The following COX14 variants were observed in gnomAD, a reference collection of about 807,000 sequenced individuals.
COX14 encodes cytochrome c oxidase assembly protein COX14.
COX14 carries 3 observed loss-of-function variants against 5.8 expected under a neutral mutation model. That is an observed-to-expected ratio of 0.51 (90% CI 0.23 to 1.33). The LOEUF (loss-of-function observed/expected upper bound fraction) is 1.33. Among genes scored for constraint, COX14 ranks in the 40% most tolerant of loss-of-function variants. The pLI is 0.18. For synonymous variants in COX14, 25 were observed against 26.1 expected, an observed-to-expected ratio of 0.96 and a Z score of 0.13; for missense variants, 72 against 72.1, an observed-to-expected ratio of 1.00 and a Z score of 0.01.
intron 1 of COX14, among the ~76,000 whole-genome samples, chr12:50,117,270 C>A (rs1951088939): frequency 6.6e-6 from 1 of 152,094 alleles, no homozygotes; most frequent in South Asian, 2.1e-4. Context: ...CCTGACTCGG[C>A]CTCCCAAAGC....
intron 1 of COX14, among the ~76,000 whole-genome samples, chr12:50,115,034 G>T (rs1181342408): frequency 1.6e-4 from 24 of 149,214 alleles, no homozygotes; most frequent in Middle Eastern, 3.5e-3. Flanking sequence ...CCAAAGTGCT[G>T]GGATTACAGG....
intron 1 of COX14, among the ~76,000 whole-genome samples, chr12:50,115,124 C>G (rs911137608): frequency 1.3e-4 from 19 of 140,792 alleles, no homozygotes; most frequent in African/African-American, 4.0e-4. Flanking sequence ...TAGGCGTAGT[C>G]TTGAACTCCT....
intron 1 of COX14, among the ~76,000 whole-genome samples, chr12:50,118,889 C>CA (rs1310842579): frequency 6.6e-6 from 1 of 152,188 alleles, no homozygotes; most frequent in East Asian, 1.9e-4. Context: ...GTTCCCTCAA[C>CA]AGAGTAGCAC....
rs185492416 is a variant in COX14 at position 50,114,672 on chromosome 12, T to C, written c.-9+2371T>C. On this transcript the variant is annotated intron_variant, in intron 1 of 1. Transcript: ENST00000550487. ...GTTTTGCTTATTACCTCCATATGTA[T>C]CTGAAACATAGCTTCCCTTCTAAGC... 1.4e-3 allele frequency among the ~76,000 whole-genome samples: 206 copies of C among 152,174 alleles called. 1 individual carries two copies. The highest frequency in any genetic ancestry group is 2.3e-3 in the Non-Finnish European group (156 of 68,012).
chr12:50,119,330 A>G (rs1437111917), intron 1 of COX14, among the ~76,000 whole-genome samples: 1 of 152,204 alleles, frequency 6.6e-6, no homozygotes, highest in Non-Finnish European at 1.5e-5. Flanking sequence ...CAAATGTTTC[A>G]TTTCTGCTAC....
At chr12:50,117,819 A>C (rs1235109393) in intron 1 of COX14, among the ~76,000 whole-genome samples, 1 of 145,662 alleles carries the variant, frequency 6.9e-6, no homozygotes. Context: ...ATCTCAGCTC[A>C]CTGCAGCCTC....
intron 1 of COX14, among the ~76,000 whole-genome samples, chr12:50,116,181 C>G (rs1240943007): frequency 6.6e-6 from 1 of 152,002 alleles, no homozygotes; most frequent in Non-Finnish European, 1.5e-5. Flanking sequence ...CAACCTCTGC[C>G]TCCCAGGTTC....
intron 1 of COX14, among the ~76,000 whole-genome samples, chr12:50,117,581 CTTT>C (rs397850921): frequency 2.2e-5 from 3 of 134,678 alleles, no homozygotes; most frequent in African/African-American, 2.8e-5. Context: ...TTTTCTGTCT[CTTT>C]TTTTTTTTTT....
At chr12:50,113,303 A>AT (rs36016055) in intron 1 of COX14, among the ~76,000 whole-genome samples, 2,961 of 138,876 alleles carry the variant, frequency 0.021, 48 homozygotes, top group African/African-American at 0.046. Context: ...CGTTTACGCA[A>AT]TTTTTTTTTT....
chr12:50,113,876 G>A (rs1032128664), intron 1 of COX14, among the ~76,000 whole-genome samples: 1 of 151,598 alleles, frequency 6.6e-6, no homozygotes, highest in Non-Finnish European at 1.5e-5. Flanking sequence ...CAGGTTATCA[G>A]CCCACTTCTG....
At position 50,114,582 on chromosome 12, in the gene COX14, A is replaced by G. The variant is rs529551435; in HGVS notation, c.-9+2281A>G. ...ATTTCCTACCTGCCTTTTCTCCTTA[A>G]TTGTTGCCTTCTTTGAACTGTTGCT... On this transcript the variant is annotated intron_variant, in intron 1 of 1. Transcript: ENST00000550487. 2.6e-5 allele frequency among the ~76,000 whole-genome samples: 4 copies of G among 151,554 alleles called. No homozygotes were observed. In the East Asian group the frequency reaches 5.9e-4, roughly 22 times the overall value.
At chr12:50,117,537 G>C (rs1951091298) in intron 1 of COX14, among the ~76,000 whole-genome samples, 1 of 151,294 alleles carries the variant, frequency 6.6e-6, no homozygotes, top group Admixed American at 6.6e-5. Flanking sequence ...AGGTCCTTGA[G>C]ACATTCCCCT....
At chr12:50,115,539 A>G (rs1017595414) in intron 1 of COX14, among the ~76,000 whole-genome samples, 4 of 149,670 alleles carry the variant, frequency 2.7e-5, no homozygotes, top group African/African-American at 9.8e-5. Flanking sequence ...TAACGTGTTC[A>G]AGCCCAGCTC....
Position 50,120,006 on chromosome 12 carries a change from C to A in COX14, c.-8-30C>A, listed in dbSNP as rs761877939. 6 of 1,590,366 alleles carry A rather than the reference C, an allele frequency of 3.8e-6. No homozygotes were observed. In the South Asian group the frequency reaches 6.6e-5, roughly 18 times the overall value. On this transcript the variant is annotated intron_variant, in intron 1 of 1. Coordinates refer to ENST00000550487, the MANE Select transcript of COX14 (RefSeq NM_032901.4). ...TGGGCTGGGCAGATGAGGCCTTATC[C>A]TCAGGTCTAAATTCAATCTGTCTTT...
In COX14 at chr12:50,115,709, G is replaced by A. The variant is rs141565285; in HGVS notation, c.-9+3408G>A. ...TGGGACTACAGGTGCATGCCACTAC[G>A]CCCCACTAATTTTTGTATTTTTTGT... On this transcript the variant is annotated intron_variant, in intron 1 of 1. Coordinates refer to ENST00000550487, the MANE Select transcript of COX14 (RefSeq NM_032901.4). Among the ~76,000 whole-genome samples, 803 of 151,638 alleles carry A rather than the reference G, an allele frequency of 5.3e-3. 5 individuals carry two copies. The highest frequency in any genetic ancestry group is 7.9e-3 in the Non-Finnish European group (537 of 67,898).
chr12:50,112,526 C>T (rs1054413850), intron 1 of COX14: 1 of 961,996 alleles, frequency 1.0e-6, no homozygotes, highest in Non-Finnish European at 1.2e-6. Flanking sequence ...CAGCGCTAAT[C>T]CTGTCAAACC....
intron 1 of COX14, among the ~76,000 whole-genome samples, chr12:50,114,770 A>ATTTTT (rs71083507): frequency 2.3e-4 from 16 of 70,648 alleles, no homozygotes; most frequent in Non-Finnish European, 3.0e-4. Context: ...GAGTATCTTA[A>ATTTTT]TTTTTTTTTT....
intron 1 of COX14, among the ~76,000 whole-genome samples, chr12:50,119,744 T>C (rs1239930200): frequency 1.3e-5 from 2 of 152,370 alleles, no homozygotes; most frequent in East Asian, 3.9e-4. Flanking sequence ...CAGTCACTTC[T>C]GTCCACAGGC....
intron 1 of COX14, among the ~76,000 whole-genome samples, chr12:50,113,794 G>A (rs962391978): frequency 6.6e-6 from 1 of 151,732 alleles, no homozygotes; most frequent in Admixed American, 6.6e-5. Flanking sequence ...CACCATGCCT[G>A]GCTAATTTTT....
Sources: gnomAD v4.1 joint callset for allele counts (sites outside exome capture counted in the v4.1 genomes callset) on GRCh38, gnomAD v4.1.1 for gene constraint, MANE v1.5 for transcripts, NCBI Gene and HGNC (gene_info 2026-07-23, HGNC 2026-07-21) for gene names.